Variants in HMOX2 observed in about 807,000 individuals in gnomAD.
HMOX2 encodes heme oxygenase (decycling) 2.
HMOX2 carries 30 observed loss-of-function variants against 33.7 expected under a neutral mutation model. That is an observed-to-expected ratio of 0.89 (90% confidence interval 0.67 to 1.21). HMOX2 has a LOEUF of 1.21. Among genes scored for constraint, HMOX2 ranks in the 50% most tolerant of loss-of-function variants. The pLI is 0.00. For missense variants in HMOX2, 403 were observed against 399.1 expected (o/e 1.01, Z -0.08); for synonymous variants, 155 against 155.0 (o/e 1.00, Z 0.00).
chr16:4,492,385 G>T (rs1181780749), intron 1 of HMOX2, among the ~76,000 whole-genome samples: 2 of 151,920 alleles, frequency 1.3e-5, no homozygotes, highest in Admixed American at 1.3e-4. Flanking sequence ...CAGACTTTGA[G>T]TTGAGGTTCG....
In HMOX2 at chr16:4,509,702, C is replaced by T. The variant is rs1216773292; in HGVS notation, c.897C>T (p.Ile299=). Residue 299 remains isoleucine (I), a synonymous_variant, in exon 6 of 6, where the codon ATC becomes ATT. Coordinates refer to ENST00000570646, the MANE Select transcript of HMOX2 (RefSeq NM_002134.4). ...AVLRKPSLQF[I]LAAGVALAAG... is the part of the protein sequence containing the mutation. ...TGAGGAAGCCCAGCCTCCAGTTCATCCTGGCCGCTGGTGTGGCCCTAGCTG... is the reference window on the plus strand; with the variant it reads ...TGAGGAAGCCCAGCCTCCAGTTCATTCTGGCCGCTGGTGTGGCCCTAGCTG... The T allele has an allele frequency of 1.2e-6, 2 of 1,613,918 alleles. No homozygotes were observed. The highest frequency in any genetic ancestry group is 8.5e-7 in the Non-Finnish European group (1 of 1,180,002).
chr16:4,476,147 C>G (rs551091916), upstream of HMOX2: 1 of 152,380 alleles, frequency 6.6e-6, no homozygotes, highest in East Asian at 1.9e-4. Flanking sequence ...TTAAACCACA[C>G]TGGGGAAGAA....
chr16:4,487,558 C>T (rs1169600738), intron 1 of HMOX2, among the ~76,000 whole-genome samples: 7 of 151,996 alleles, frequency 4.6e-5, no homozygotes, highest in Non-Finnish European at 7.4e-5. Context: ...AATCCCAGCA[C>T]GTTGGGAGGC....
chr16:4,505,375 G>GT (rs1324471613), intron 1 of HMOX2, 109 bp from the exon 2 acceptor site: 1 of 579,470 alleles, frequency 1.7e-6, no homozygotes, highest in Non-Finnish European at 3.1e-6. Flanking sequence ...ATCCTGGGGT[G>GT]TGTGGGTGTC....
chr16:4,490,508 C>T (rs2058279181), intron 1 of HMOX2, among the ~76,000 whole-genome samples: 1 of 152,158 alleles, frequency 6.6e-6, no homozygotes. Context: ...TTATATGTTC[C>T]ATCCCACAAA....
chr16:4,497,266 A>C (rs1300341538), intron 1 of HMOX2, among the ~76,000 whole-genome samples: 1 of 152,164 alleles, frequency 6.6e-6, no homozygotes, highest in Non-Finnish European at 1.5e-5. Flanking sequence ...TCAGTGTTGG[A>C]ATAATTTTTG....
At position 4,505,659 on chromosome 16, in the gene HMOX2, T is replaced by C. The variant is rs1163297226; in HGVS notation, c.86+49T>C. Reference sequence around the variant, plus strand: ...CTGAATCAGGTGGGCCCAGCACCTGTCGTGCTCAGCACACCTGGTTTTGTC... The same window carrying C: ...CTGAATCAGGTGGGCCCAGCACCTGCCGTGCTCAGCACACCTGGTTTTGTC... On this transcript the variant is annotated intron_variant, in intron 2 of 5. Transcript: ENST00000570646. 3.8e-6 allele frequency: 5 copies of C among 1,312,592 alleles called. No individual in the cohort carries two copies. In the East Asian group the frequency reaches 1.2e-4, roughly 33 times the overall value. The allele number at this position is 1,312,592 out of a possible 1,614,324, so 81.3% of individuals were successfully genotyped here.
chr16:4,503,582 T>C (rs2058613265), intron 1 of HMOX2, among the ~76,000 whole-genome samples: 1 of 152,238 alleles, frequency 6.6e-6, no homozygotes, highest in Non-Finnish European at 1.5e-5. Context: ...AGTATGATCA[T>C]GATGTAACAT....
At chr16:4,496,930 C>G (rs543739070) in intron 1 of HMOX2, among the ~76,000 whole-genome samples, 1 of 151,678 alleles carries the variant, frequency 6.6e-6, no homozygotes, top group Non-Finnish European at 1.5e-5. Context: ...CTCCTGGACT[C>G]AAGTGATCCT....
At chr16:4,486,320 C>T (rs1015691134) in intron 1 of HMOX2, among the ~76,000 whole-genome samples, 3 of 152,210 alleles carry the variant, frequency 2.0e-5, no homozygotes, top group Admixed American at 6.5e-5. Flanking sequence ...GTCCAAAGGA[C>T]AGCGTGTCCC....
chr16:4,492,771 C>T (rs2058334677), intron 1 of HMOX2, among the ~76,000 whole-genome samples: 2 of 150,588 alleles, frequency 1.3e-5, no homozygotes, highest in South Asian at 4.2e-4. Context: ...GGCACAGTGG[C>T]TCACCTTGTA....
rs1168871307 is a variant in HMOX2, at chr16:4,510,244, G to C, written c.*488G>C. 5.9e-6 allele frequency: 1 copy of C among 169,164 alleles called. No individual in the cohort carries two copies. Among genetic ancestry groups the C allele is most frequent in the Non-Finnish European group, 1.3e-5 (1 of 78,398 alleles). 10.5% of individuals were successfully genotyped at this position (169,164 alleles called of 1,614,324 possible). ...CTTGGGAGCTCATCCCTCTCACCCA[G>C]AATCCCTCTAACCCCTTGGGTGCGG... is the stretch of plus-strand genomic sequence containing the variant. On this transcript the variant is annotated 3_prime_UTR_variant, in exon 6 of 6. Coordinates refer to ENST00000570646, the MANE Select transcript of HMOX2 (RefSeq NM_002134.4).
At chr16:4,480,276 G>C (rs553093748) in intron 1 of HMOX2, among the ~76,000 whole-genome samples, 35 of 151,328 alleles carry the variant, frequency 2.3e-4, no homozygotes, top group African/African-American at 8.5e-4. Flanking sequence ...TCCAGCTCCT[G>C]ACCTCAAGCG....
Position 4,508,197 on chromosome 16 carries a change from A to T in HMOX2, c.689A>T (p.Asn230Ile). ...GAGGCCAACAAGGCTTTTGAGTATA[A>T]CATGCAGGTACTATTGGGGGCTGCC... ...VEEANKAFEY[N>I]MQIFNELDQA... Residue 230 changes from asparagine to isoleucine, a missense_variant, in exon 4 of 6, where the codon AAC becomes ATC. Coordinates refer to ENST00000570646, the MANE Select transcript of HMOX2 (RefSeq NM_002134.4). 6.2e-7 allele frequency: 1 copy of T among 1,603,170 alleles called. No individual in the cohort carries two copies.
chr16:4,477,717 G>C (rs556844386), intron 1 of HMOX2, among the ~76,000 whole-genome samples: 20 of 151,978 alleles, frequency 1.3e-4, no homozygotes, highest in African/African-American at 4.6e-4. Context: ...TCAGGAGTTC[G>C]AGATCAGCCT....
intron 1 of HMOX2, among the ~76,000 whole-genome samples, chr16:4,504,354 A>ATTT (rs34314976): frequency 8.2e-5 from 6 of 72,854 alleles, no homozygotes; most frequent in East Asian, 4.0e-4. Context: ...GTAACTTTCA[A>ATTT]TTTTTTTTTT....
intron 2 of HMOX2, among the ~76,000 whole-genome samples, chr16:4,505,879 T>A (rs2058678603): frequency 6.6e-6 from 1 of 152,196 alleles, no homozygotes; most frequent in Non-Finnish European, 1.5e-5. Flanking sequence ...TTTTTCTTTT[T>A]AAAAACTTGT....
chr16:4,508,286 C>A, intron 4 of HMOX2, 82 bp downstream of exon 4: 1 of 1,442,078 alleles, frequency 6.9e-7, no homozygotes, highest in Non-Finnish European at 9.4e-7. Context: ...CCCATGAAGG[C>A]ACACATGGCA....
At chr16:4,493,170 A>C (rs2058343715) in intron 1 of HMOX2, among the ~76,000 whole-genome samples, 1 of 152,022 alleles carries the variant, frequency 6.6e-6, no homozygotes, top group South Asian at 2.1e-4. Flanking sequence ...AGTGGATGTG[A>C]CCACAACTGC....
Sources: gnomAD v4.1 joint callset for allele counts (sites outside exome capture counted in the v4.1 genomes callset) on GRCh38, gnomAD v4.1.1 for gene constraint, MANE v1.5 for transcripts, NCBI Gene and HGNC (gene_info 2026-07-23, HGNC 2026-07-21) for gene names.